ANKFN1: variants seen among roughly 807,000 people sequenced by gnomAD.
The protein encoded by ANKFN1 is ankyrin repeat and fibronectin type III domain containing 1, also known as ankyrin repeat and fibronectin type-III domain-containing protein 1.
In ANKFN1, 74 loss-of-function variants were observed where a neutral mutation model predicts 108.7. The ratio of observed to expected loss-of-function variants is 0.68; its 90% CI spans 0.56 to 0.83. The LOEUF (loss-of-function observed/expected upper bound fraction) is 0.83. Ranked by LOEUF, ANKFN1 falls within the 40% of genes least tolerant of loss-of-function variation. The probability of loss-of-function intolerance (pLI) is 0.00; values close to 1 mark genes in which losing one functional copy is unlikely to be tolerated. For synonymous variants in ANKFN1, 547 were observed against 516.2 expected, an observed-to-expected ratio of 1.06 and a Z score of -0.81; for missense variants, 1,505 against 1,382.3, an observed-to-expected ratio of 1.09 and a Z score of -1.41.
intron 16 of ANKFN1, among the ~76,000 whole-genome samples, chr17:56,480,204 T>G (rs1014797587): frequency 2.0e-4 from 30 of 152,140 alleles, no homozygotes; most frequent in Admixed American, 1.3e-4. Flanking sequence ...AACCAAAATA[T>G]CCCCCATGAT....
intron 10 of ANKFN1, among the ~76,000 whole-genome samples, chr17:56,447,529 A>G (rs1318950671): frequency 6.6e-6 from 1 of 152,202 alleles, no homozygotes; most frequent in Non-Finnish European, 1.5e-5. Flanking sequence ...GCTGAGTCAT[A>G]TACAACTGGA....
At chr17:56,152,691 A>G (rs1437442305), upstream of ANKFN1, among the ~76,000 whole-genome samples, 1 of 152,170 alleles carries the variant, frequency 6.6e-6, no homozygotes, top group Non-Finnish European at 1.5e-5. Context: ...TTGAACATCT[A>G]CACTGTGCCA....
rs556185232 is a variant in ANKFN1 at position 56,188,934 on chromosome 17, G to C, written c.-70-23664G>C. 1.4e-4 allele frequency among the ~76,000 whole-genome samples: 21 copies of C among 151,954 alleles called. No homozygotes were observed. In the South Asian group the frequency reaches 4.4e-3, roughly 32 times the overall value. On this transcript the variant is annotated intron_variant, in intron 1 of 20. Transcript: ENST00000682825. ...TCCTCTAAGGAGAGCATAGGGACTG[G>C]AGACAGAGTTAATCAATCCTGCCTA...
chr17:56,153,714 TA>T, intron 1 of ANKFN1, 184 bp downstream of exon 1: 1 of 781,166 alleles, frequency 1.3e-6, no homozygotes, highest in Non-Finnish European at 2.1e-6. Context: ...TGATCTGAAG[TA>T]GTTTGGGTCT....
At chr17:56,503,511 A>G (rs1208982534) in intron 20 of ANKFN1, among the ~76,000 whole-genome samples, 1 of 140,358 alleles carries the variant, frequency 7.1e-6, no homozygotes, top group Admixed American at 6.9e-5. Flanking sequence ...ATATATATAT[A>G]TATATATATA....
intron 14 of ANKFN1, among the ~76,000 whole-genome samples, chr17:56,464,564 G>A (rs1374367514): frequency 6.6e-6 from 1 of 152,192 alleles, no homozygotes; most frequent in East Asian, 1.9e-4. Context: ...GGATGGTAAA[G>A]TCTTCCTTAG....
At chr17:56,177,327 C>G (rs1598184994) in intron 1 of ANKFN1, among the ~76,000 whole-genome samples, 1 of 152,172 alleles carries the variant, frequency 6.6e-6, no homozygotes, top group South Asian at 2.1e-4. Context: ...CTGCCACTGC[C>G]CAACAACACA....
chr17:56,179,340 A>G (rs1911464274), intron 1 of ANKFN1, among the ~76,000 whole-genome samples: 1 of 152,222 alleles, frequency 6.6e-6, no homozygotes, highest in African/African-American at 2.4e-5. Context: ...TTTCTTAGCC[A>G]GGAGAAATAG....
intron 10 of ANKFN1, among the ~76,000 whole-genome samples, chr17:56,446,904 C>CAAAACA (rs888874357): frequency 1.3e-5 from 2 of 151,864 alleles, no homozygotes; most frequent in South Asian, 2.1e-4. Flanking sequence ...GACTCCGTCT[C>CAAAACA]AAAACAAAAA....
At chr17:56,315,970 C>T (rs1050944299) in intron 3 of ANKFN1, among the ~76,000 whole-genome samples, 2 of 152,096 alleles carry the variant, frequency 1.3e-5, no homozygotes, top group African/African-American at 4.8e-5. Flanking sequence ...TTTGTTTTTC[C>T]TCCTCTGTTC....
chr17:56,328,133 C>A (rs12452882), intron 4 of ANKFN1, among the ~76,000 whole-genome samples: 2 of 151,878 alleles, frequency 1.3e-5, no homozygotes, highest in Admixed American at 6.6e-5. Flanking sequence ...ATACTTACGA[C>A]CCCAAGATCC....
chr17:56,447,682 G>A (rs751117122), intron 10 of ANKFN1, among the ~76,000 whole-genome samples: 37 of 152,156 alleles, frequency 2.4e-4, no homozygotes, highest in Non-Finnish European at 4.0e-4. Context: ...TGGTGTTTCC[G>A]TCATGAATTC....
chr17:56,447,908 C>A (rs1255698432), intron 10 of ANKFN1, among the ~76,000 whole-genome samples: 1 of 152,208 alleles, frequency 6.6e-6, no homozygotes, highest in African/African-American at 2.4e-5. Flanking sequence ...CCTGTGTTTA[C>A]CTGACTTCAG....
chr17:56,104,631 A>G (rs1015805679), intron 4 of ANKFN1, among the ~76,000 whole-genome samples: 8 of 152,196 alleles, frequency 5.3e-5, no homozygotes, highest in African/African-American at 1.9e-4. Context: ...CCCAGTGTCC[A>G]CAGTAGTCAT....
intron 4 of ANKFN1, among the ~76,000 whole-genome samples, chr17:56,105,645 G>A (rs1205812999): frequency 1.4e-5 from 2 of 148,090 alleles, no homozygotes; most frequent in African/African-American, 2.5e-5. Flanking sequence ...CTTCCTGTCT[G>A]TCTCCTTCTT....
At chr17:56,275,123 T>C (rs779075275) in intron 3 of ANKFN1, among the ~76,000 whole-genome samples, 25 of 152,148 alleles carry the variant, frequency 1.6e-4, no homozygotes, top group Non-Finnish European at 3.4e-4. Flanking sequence ...CTATAATCAC[T>C]GATCCTTACC....
chr17:56,331,513 A>G (rs2045662053), intron 4 of ANKFN1, among the ~76,000 whole-genome samples: 1 of 152,198 alleles, frequency 6.6e-6, no homozygotes. Context: ...GCCAGAACTC[A>G]CAACATGACA....
At position 56,372,883 on chromosome 17, in the gene ANKFN1, C is replaced by T. The variant is rs747961421; in HGVS notation, c.796+43C>T. On this transcript the variant is annotated intron_variant, in intron 7 of 20. Transcript: ENST00000682825. The stretch of plus-strand genomic sequence containing the variant: ...ATGTCTACATTTCACTAGACTGAGC[C>T]TCAGTTTGAGACAGCCAGGTCTTCT... 49 of 1,566,036 alleles carry T rather than the reference C, an allele frequency of 3.1e-5. 1 individual carries two copies. The South Asian group carries it at 5.0e-4, about 16-fold the overall frequency.
chr17:56,510,330 C>G, intron 20 of ANKFN1, 143 bp from the exon 21 acceptor site: 1 of 716,978 alleles, frequency 1.4e-6, no homozygotes, highest in Non-Finnish European at 2.2e-6. Context: ...CAAAATGTGT[C>G]AGCATTTCAG....
Sources: gnomAD v4.1 joint callset for allele counts (sites outside exome capture counted in the v4.1 genomes callset) on GRCh38, gnomAD v4.1.1 for gene constraint, MANE v1.5 for transcripts, NCBI Gene and HGNC (gene_info 2026-07-23, HGNC 2026-07-21) for gene names.